The following OSBP variants were observed in gnomAD, a reference collection of about 807,000 sequenced individuals.
The protein encoded by OSBP is oxysterol-binding protein 1.
In OSBP, 32 loss-of-function variants were observed where a neutral mutation model predicts 96.6. That is an observed-to-expected ratio of 0.33 (90% CI 0.25 to 0.45). The LOEUF (loss-of-function observed/expected upper bound fraction) is 0.45. OSBP is among the 20% of genes least tolerant of loss of function. The pLI, the probability that OSBP is intolerant of heterozygous loss-of-function variation, is 1.00. For synonymous variants in OSBP, 369 were observed against 389.6 expected, an observed-to-expected ratio of 0.95 and a Z score of 0.62; for missense variants, 653 against 1,029.7, an observed-to-expected ratio of 0.63 and a Z score of 5.01.
chr11:59,579,335 CTT>C (rs760297069), intron 11 of OSBP, among the ~76,000 whole-genome samples: 23 of 141,606 alleles, frequency 1.6e-4, no homozygotes, highest in Admixed American at 2.1e-4. Flanking sequence ...TTCTTTCTTT[CTT>C]TTTTTTTTTT....
At chr11:59,600,923 G>C in intron 5 of OSBP, 50 bp from the exon 6 acceptor site, 2 of 1,475,138 alleles carry the variant, frequency 1.4e-6, no homozygotes, top group Non-Finnish European at 1.9e-6. Context: ...CAGAACTAGA[G>C]TGTGGTCCTG....
chr11:59,602,459 A>T (rs547006441), intron 3 of OSBP, among the ~76,000 whole-genome samples: 5 of 152,346 alleles, frequency 3.3e-5, no homozygotes, highest in African/African-American at 1.2e-4. Context: ...AAAACCCACA[A>T]ATATGATTAT....
chr11:59,575,074 C>T lies in OSBP; in HGVS notation c.*1503G>A, dbSNP rs1860344627. 6.6e-6 allele frequency: 1 copy of T among 152,030 alleles called. No homozygotes were observed. The highest frequency in any genetic ancestry group is 2.4e-5 in the African/African-American group (1 of 41,388). The allele number at this position is 152,030 out of a possible 1,614,324, so 9.4% of individuals were successfully genotyped here. On this transcript the variant is annotated 3_prime_UTR_variant, in exon 14 of 14. Transcript: ENST00000263847. ...GAAGGAAGCCAGGGCCCCACAGGAG[C>T]AATTATCTGATCCACCCCACATGAC...
At chr11:59,587,285 G>C (rs934264539) in intron 9 of OSBP, among the ~76,000 whole-genome samples, 2 of 152,162 alleles carry the variant, frequency 1.3e-5, no homozygotes, top group African/African-American at 4.8e-5. Flanking sequence ...CAGATCACTT[G>C]AGGTCAGGAG....
At chr11:59,603,009 A>C (rs1000552756) in intron 3 of OSBP, among the ~76,000 whole-genome samples, 2 of 152,132 alleles carry the variant, frequency 1.3e-5, no homozygotes, top group South Asian at 2.1e-4. Flanking sequence ...GTTTCTAAGA[A>C]AGGGCAAATC....
At chr11:59,585,436 G>A (rs1292852205) in intron 9 of OSBP, among the ~76,000 whole-genome samples, 26 of 146,310 alleles carry the variant, frequency 1.8e-4, no homozygotes, top group South Asian at 1.5e-3. Context: ...CCCTCCGCCC[G>A]GCAGCCGCCC....
intron 7 of OSBP, among the ~76,000 whole-genome samples, chr11:59,597,317 T>A (rs1362640449): frequency 2.0e-5 from 3 of 151,906 alleles, no homozygotes; most frequent in African/African-American, 7.3e-5. Context: ...AGTGCTGGGA[T>A]TTTTTTACAG....
chr11:59,601,315 C>G lies in OSBP; in HGVS notation c.1092G>C (p.Glu364Asp), dbSNP rs1860721738. The G allele has an allele frequency of 6.2e-7, 1 of 1,612,874 alleles. No individual in the cohort carries two copies. Among genetic ancestry groups the G allele is most frequent in the African/African-American group, 1.3e-5 (1 of 74,872 alleles). ...DDENEFFDAP[E>D]IITMPENLGH... is the part of the protein sequence containing the mutation. ...CCAAATTTTCAGGCATGGTGATGATCTCAGGTGCATCAAAAAATTCATTCT... is the reference window on the plus strand; with the variant it reads ...CCAAATTTTCAGGCATGGTGATGATGTCAGGTGCATCAAAAAATTCATTCT... The change falls in exon 5 of 14, where the codon GAG becomes GAC. Residue 364 changes from glutamate to aspartate, a missense_variant. Coordinates refer to ENST00000263847, the MANE Select transcript of OSBP (RefSeq NM_002556.3).
Position 59,577,127 on chromosome 11 carries a change from G to C in OSBP, c.2061-102C>G, listed in dbSNP as rs181081976. The C allele has an allele frequency of 1.7e-5, 15 of 901,148 alleles. No homozygotes were observed. In the East Asian group the frequency reaches 3.5e-4, roughly 21 times the overall value. The allele number at this position is 901,148 out of a possible 1,614,324, so 55.8% of individuals were successfully genotyped here. ...CTGCCAAGGCCACATCACCAAGGCT[G>C]TTCTACAAAAACAGGATCTGTGAAA... is the stretch of plus-strand genomic sequence containing the variant. On this transcript the variant is annotated intron_variant, in intron 12 of 13. Transcript: ENST00000263847.
chr11:59,592,916 C>T (rs770754463), intron 9 of OSBP, among the ~76,000 whole-genome samples: 50 of 152,086 alleles, frequency 3.3e-4, no homozygotes, highest in Non-Finnish European at 6.0e-4. Flanking sequence ...GTGCCTCAGC[C>T]TCCCGAGTAG....
intron 3 of OSBP, among the ~76,000 whole-genome samples, chr11:59,602,073 G>A (rs927507311): frequency 8.5e-5 from 13 of 152,150 alleles, no homozygotes; most frequent in African/African-American, 2.4e-4. Context: ...TCCTGGTCAC[G>A]AGAACCAAAC....
intron 5 of OSBP, 96 bp from the exon 6 acceptor site, chr11:59,600,969 G>T: frequency 1.0e-6 from 1 of 984,576 alleles, no homozygotes; most frequent in Non-Finnish European, 1.6e-6. Context: ...CAAGTACACT[G>T]TATAAACTTA....
chr11:59,614,057 A>C (rs980932193), intron 1 of OSBP, among the ~76,000 whole-genome samples: 1 of 152,196 alleles, frequency 6.6e-6, no homozygotes, highest in Non-Finnish European at 1.5e-5. Context: ...TTTCAATTGG[A>C]ATGTCATTAA....
In OSBP at chr11:59,601,004, T is replaced by C; in HGVS notation, c.1125-131A>G. The C allele has an allele frequency of 5.3e-6, 4 of 756,616 alleles. No homozygotes were observed. The South Asian group carries it at 6.7e-5, about 13-fold the overall frequency. The allele number at this position is 756,616 out of a possible 1,614,324, so 46.9% of individuals were successfully genotyped here. A position where few individuals can be genotyped will look rare whatever the true frequency, so the allele number is the denominator to read the frequency against. Reference sequence around the variant, plus strand: ...ATTGATGGGTGATCAAATGACGACATTTAGAGTAGGAATGAATTTAAGTAT... The same window carrying C: ...ATTGATGGGTGATCAAATGACGACACTTAGAGTAGGAATGAATTTAAGTAT... On this transcript the variant is annotated intron_variant, in intron 5 of 13. Transcript: ENST00000263847.
In OSBP at chr11:59,615,720, C is replaced by G; in HGVS notation, c.-56G>C. 1 of 1,251,600 alleles carries G rather than the reference C, an allele frequency of 8.0e-7. No individual in the cohort carries two copies. Among genetic ancestry groups the G allele is most frequent in the Non-Finnish European group, 1.0e-6 (1 of 998,174 alleles). The allele number at this position is 1,251,600 out of a possible 1,614,324, so 77.5% of individuals were successfully genotyped here. ...GAACCGCCTACGAGAGCCGCCGTCG[C>G]CGCCCGGAGCGCCCCACACGGCTAC... On this transcript the variant is annotated 5_prime_UTR_variant, in exon 1 of 14. Transcript: ENST00000263847.
At chr11:59,607,125 T>C (rs1221100035) in intron 3 of OSBP, among the ~76,000 whole-genome samples, 1 of 152,148 alleles carries the variant, frequency 6.6e-6, no homozygotes, top group African/African-American at 2.4e-5. Flanking sequence ...TGGATTGGGG[T>C]GTTCCTCTGA....
At chr11:59,614,025 G>C (rs1860888162) in intron 1 of OSBP, among the ~76,000 whole-genome samples, 1 of 152,164 alleles carries the variant, frequency 6.6e-6, no homozygotes, top group Admixed American at 6.5e-5. Flanking sequence ...GTCTCAAAGA[G>C]GATGGTCTCT....
At position 59,589,536 on chromosome 11, in the gene OSBP, G is replaced by A. The variant is rs567378583; in HGVS notation, c.1678+4068C>T. On this transcript the variant is annotated intron_variant, in intron 9 of 13. Transcript: ENST00000263847. ...GAATTGCATGAGCCTGGGAGGCGGA[G>A]GTTGCAATAAGCAGAGATTGCACCA... Among the ~76,000 whole-genome samples the A allele has an allele frequency of 1.6e-4, 24 of 151,864 alleles. No individual in the cohort carries two copies. In the East Asian group the frequency reaches 4.3e-3, roughly 27 times the overall value.
chr11:59,604,190 G>A (rs780837303), intron 3 of OSBP, among the ~76,000 whole-genome samples: 6 of 152,030 alleles, frequency 3.9e-5, no homozygotes, highest in South Asian at 2.1e-4. Context: ...TCAAAGAGTC[G>A]TTGTTTTACA....
Sources: allele counts gnomAD v4.1 joint callset (sites outside exome capture counted in the v4.1 genomes callset), GRCh38; gene constraint gnomAD v4.1.1; transcripts MANE v1.5; gene names NCBI Gene and HGNC (gene_info 2026-07-23, HGNC 2026-07-21).